BIN3: variants seen among roughly 807,000 people sequenced by gnomAD.
BIN3 encodes the protein bridging integrator 3.
A neutral mutation model predicts 38.2 loss-of-function variants in BIN3; 41 were observed. That is an observed-to-expected ratio of 1.07 (90% confidence interval 0.84 to 1.39). BIN3 has a LOEUF of 1.39. Ranked by LOEUF, BIN3 falls within the 40% of genes most tolerant of loss-of-function variation. The pLI is 0.00. For synonymous variants in BIN3, 145 were observed against 122.6 expected (o/e 1.18, Z -1.21); for missense variants, 361 against 324.3 (o/e 1.11, Z -0.87).
rs755559990 is a variant in BIN3, at chr8:22,656,699, A to G, written c.9-11896T>C. Among the ~76,000 whole-genome samples, 36 of 152,254 alleles carry G rather than the reference A, an allele frequency of 2.4e-4. 1 individual carries two copies. The highest frequency in any genetic ancestry group is 9.8e-4 in the Admixed American group (15 of 15,290). On this transcript the variant is annotated intron_variant, in intron 1 of 8. Coordinates refer to ENST00000276416, the MANE Select transcript of BIN3 (RefSeq NM_018688.6). ...GATTTCAGCCAGGAACGTTCCTAAC[A>G]GTAAGAAAATATCTTTCTGTTCCTA...
At chr8:22,649,898 G>C (rs766509303) in intron 1 of BIN3, among the ~76,000 whole-genome samples, 1 of 150,552 alleles carries the variant, frequency 6.6e-6, no homozygotes, top group Non-Finnish European at 1.5e-5. Context: ...CTGAATCACA[G>C]TGTGTACATG....
At chr8:22,662,830 G>T (rs1335712821) in intron 1 of BIN3, among the ~76,000 whole-genome samples, 1 of 152,130 alleles carries the variant, frequency 6.6e-6, no homozygotes, top group African/African-American at 2.4e-5. Context: ...AACTGAGGTG[G>T]GTCATTCTTT....
intron 6 of BIN3, among the ~76,000 whole-genome samples, chr8:22,627,188 G>C (rs1438676685): frequency 6.6e-6 from 1 of 152,160 alleles, no homozygotes; most frequent in Non-Finnish European, 1.5e-5. Flanking sequence ...ACCACGGTGG[G>C]GGGAGGTTGG....
At chr8:22,628,266 T>TG (rs1469785494) in intron 6 of BIN3, among the ~76,000 whole-genome samples, 2 of 152,166 alleles carry the variant, frequency 1.3e-5, no homozygotes, top group Non-Finnish European at 2.9e-5. Flanking sequence ...GCAGGGAGGC[T>TG]GGGGGCGGTG....
At chr8:22,638,219 A>G (rs1802433834) in intron 2 of BIN3, among the ~76,000 whole-genome samples, 1 of 152,252 alleles carries the variant, frequency 6.6e-6, no homozygotes, top group Non-Finnish European at 1.5e-5. Flanking sequence ...TGACCTGATG[A>G]GAGAATTCTA....
chr8:22,662,864 C>T (rs1462803911), intron 1 of BIN3, among the ~76,000 whole-genome samples: 1 of 152,152 alleles, frequency 6.6e-6, no homozygotes, highest in African/African-American at 2.4e-5. Context: ...AGGCTGGCCG[C>T]GGTGGCTCAT....
chr8:22,663,530 T>C (rs1803311933), intron 1 of BIN3, among the ~76,000 whole-genome samples: 1 of 151,870 alleles, frequency 6.6e-6, no homozygotes, highest in African/African-American at 2.4e-5. Context: ...TGCAGGCCAC[T>C]GCCAAAATAA....
intron 6 of BIN3, chr8:22,625,295 G>A (rs1425291327): frequency 1.4e-5 from 10 of 702,064 alleles, no homozygotes; most frequent in Non-Finnish European, 2.6e-5. Flanking sequence ...CAATGGCAGG[G>A]GGCGTCTACC....
chr8:22,665,753 T>C (rs372086283), intron 1 of BIN3, among the ~76,000 whole-genome samples: 4 of 152,318 alleles, frequency 2.6e-5, no homozygotes, highest in South Asian at 4.1e-4. Context: ...GTTGGGCCTC[T>C]ATCCTGAAGA....
intron 4 of BIN3, among the ~76,000 whole-genome samples, chr8:22,631,900 G>C (rs1194644641): frequency 6.6e-6 from 1 of 152,164 alleles, no homozygotes; most frequent in Non-Finnish European, 1.5e-5. Flanking sequence ...ATTATTTCTA[G>C]ATTCTAGAAA....
chr8:22,627,637 G>A (rs1802043448), intron 6 of BIN3, among the ~76,000 whole-genome samples: 1 of 142,486 alleles, frequency 7.0e-6, no homozygotes, highest in South Asian at 2.4e-4. Context: ...CCACTCTGCT[G>A]TTCCAGCGCA....
chr8:22,634,606 G>C, intron 4 of BIN3: 1 of 450,696 alleles, frequency 2.2e-6, no homozygotes, highest in South Asian at 1.6e-5. Flanking sequence ...GCAGTACCAA[G>C]TAGGAGCACA....
At chr8:22,666,178 C>T (rs1803410591) in intron 1 of BIN3, among the ~76,000 whole-genome samples, 1 of 152,062 alleles carries the variant, frequency 6.6e-6, no homozygotes, top group East Asian at 1.9e-4. Flanking sequence ...TATGGTTCAA[C>T]AGGAGGCTAC....
chr8:22,636,758 C>A, intron 3 of BIN3, 164 bp downstream of exon 3: 1 of 996,904 alleles, frequency 1.0e-6, no homozygotes, highest in Non-Finnish European at 1.5e-6. Flanking sequence ...GAATGACTCT[C>A]ACATGGCCAT....
At position 22,654,334 on chromosome 8, in the gene BIN3, GGTTT is replaced by G. The variant is rs559883711; in HGVS notation, c.9-9535_9-9532del. Among the ~76,000 whole-genome samples, 17 of 152,182 alleles carry G rather than the reference GGTTT, an allele frequency of 1.1e-4. No homozygotes were observed. The South Asian group carries it at 3.3e-3, about 30-fold the overall frequency. ...AATCTGTCATCTTTACTCAGAATCT[GGTTT>G]ATTTTTAAATAACATACCATAACAT... On this transcript the variant is annotated intron_variant, in intron 1 of 8. Coordinates refer to ENST00000276416, the MANE Select transcript of BIN3 (RefSeq NM_018688.6).
intron 1 of BIN3, among the ~76,000 whole-genome samples, chr8:22,654,084 T>C (rs1167037160): frequency 6.6e-6 from 1 of 152,190 alleles, no homozygotes. Flanking sequence ...CCTTTGAGAA[T>C]TCTGGGATGT....
intron 2 of BIN3, 103 bp downstream of exon 2, chr8:22,644,652 T>C (rs1802659125): frequency 2.6e-6 from 3 of 1,164,036 alleles, no homozygotes; most frequent in Middle Eastern, 1.9e-4. Context: ...CCCAGGTTGC[T>C]GTCTTCCCAG....
intron 1 of BIN3, among the ~76,000 whole-genome samples, chr8:22,662,986 G>A (rs1360905594): frequency 6.6e-6 from 1 of 152,122 alleles, no homozygotes; most frequent in Non-Finnish European, 1.5e-5. Flanking sequence ...AAAAATGGTG[G>A]TGCATGCCTG....
In BIN3 at chr8:22,624,049, C is replaced by T; in HGVS notation, c.481G>A (p.Ala161Thr). 6.2e-7 allele frequency: 1 copy of T among 1,612,670 alleles called. No individual in the cohort carries two copies. The highest frequency in any genetic ancestry group is 8.5e-7 in the Non-Finnish European group (1 of 1,179,428). Residue 161 changes from alanine to threonine, a missense_variant and splice_region_variant, in exon 8 of 9, where the codon GCA (alanine) becomes ACA (threonine). Physicochemically the swap from Ala to Thr is moderately conservative, Grantham distance 58. Transcript: ENST00000276416. The stretch of plus-strand genomic sequence containing the variant: ...CGCACAGGCCGCAGCTCCTCTCGTG[C>T]CTAGGGAACAAGACCTGGGTGTCAA... ...TGPVLAKLHQ[A>T]REELRPVRED...
Sources: allele counts gnomAD v4.1 joint callset (sites outside exome capture counted in the v4.1 genomes callset), GRCh38; gene constraint gnomAD v4.1.1; transcripts MANE v1.5; gene names NCBI Gene and HGNC (gene_info 2026-07-23, HGNC 2026-07-21).